ABI3BP: variants seen among roughly 807,000 people sequenced by gnomAD.
ABI3BP encodes target of Nesh-SH3.
Under a neutral mutation model 268.6 loss-of-function variants are expected in ABI3BP, and 216 were observed. That is an observed-to-expected ratio of 0.80 (90% CI 0.72 to 0.90). The LOEUF (loss-of-function observed/expected upper bound fraction) is 0.90. Ranked by LOEUF, ABI3BP falls within the 40% of genes least tolerant of loss-of-function variation. The pLI, the probability that ABI3BP is intolerant of heterozygous loss-of-function variation, is 0.00. For synonymous variants in ABI3BP, 730 were observed against 730.0 expected (o/e 1.00, Z 0.00); for missense variants, 2,090 against 2,182.4 (o/e 0.96, Z 0.84).
intron 17 of ABI3BP, 22 bp from the exon 18 acceptor site, chr3:100,848,897 C>A (rs1275858566): frequency 6.2e-7 from 1 of 1,603,738 alleles, no homozygotes; most frequent in Non-Finnish European, 8.5e-7. Context: ...TTTAATATAG[C>A]TTTGATAAAT....
intron 1 of ABI3BP, among the ~76,000 whole-genome samples, chr3:100,985,242 C>T (rs996436844): frequency 3.3e-5 from 5 of 150,398 alleles, no homozygotes; most frequent in East Asian, 2.0e-4. Context: ...CTCTGCCTCC[C>T]GGGTTCAAGC....
chr3:100,986,677 G>A (rs1273087196), intron 1 of ABI3BP, among the ~76,000 whole-genome samples: 1 of 152,026 alleles, frequency 6.6e-6, no homozygotes, highest in Non-Finnish European at 1.5e-5. Context: ...GTGTTGACTA[G>A]GCTGGTCTTG....
At chr3:100,799,500 A>C (rs2097457107) in intron 51 of ABI3BP, among the ~76,000 whole-genome samples, 1 of 152,174 alleles carries the variant, frequency 6.6e-6, no homozygotes, top group Admixed American at 6.5e-5. Flanking sequence ...GAAACTGCTA[A>C]TTCTGAAGCA....
At chr3:100,753,236 T>C (rs572966551) in intron 65 of ABI3BP, among the ~76,000 whole-genome samples, 16 of 152,288 alleles carry the variant, frequency 1.1e-4, no homozygotes, top group African/African-American at 3.1e-4. Context: ...TTTTGTAGCA[T>C]GTTATAAAGT....
At chr3:100,945,548 C>G (rs557415056) in intron 1 of ABI3BP, 38 of 402,206 alleles carry the variant, frequency 9.4e-5, no homozygotes, top group South Asian at 6.0e-4. Flanking sequence ...CTACTTTCTG[C>G]TTTTCTGGTA....
chr3:100,910,411 A>T (rs976851371), intron 2 of ABI3BP, among the ~76,000 whole-genome samples: 2 of 39,008 alleles, frequency 5.1e-5, no homozygotes, highest in Non-Finnish European at 1.0e-4. Flanking sequence ...AGTATAATTT[A>T]AAAAAGGTAA....
At chr3:100,984,846 G>A (rs1454019529) in intron 1 of ABI3BP, among the ~76,000 whole-genome samples, 2 of 152,080 alleles carry the variant, frequency 1.3e-5, no homozygotes, top group East Asian at 3.9e-4. Context: ...AGAGAAGACT[G>A]TACACTAGAG....
intron 4 of ABI3BP, among the ~76,000 whole-genome samples, chr3:100,888,725 C>T (rs1239268307): frequency 6.6e-6 from 1 of 151,970 alleles, no homozygotes; most frequent in Non-Finnish European, 1.5e-5. Context: ...AGGCATTTTG[C>T]CCTTCTTCTC....
chr3:100,891,830 T>A (rs1233684438), intron 4 of ABI3BP, among the ~76,000 whole-genome samples: 1 of 152,234 alleles, frequency 6.6e-6, no homozygotes, highest in Admixed American at 6.5e-5. Flanking sequence ...AAGCAAGTGG[T>A]ATTCTGCAGT....
intron 59 of ABI3BP, among the ~76,000 whole-genome samples, chr3:100,777,831 T>C (rs988645830): frequency 1.3e-5 from 2 of 152,182 alleles, no homozygotes; most frequent in African/African-American, 4.8e-5. Flanking sequence ...GTCCCAGATC[T>C]TCCCCTGAGC....
At chr3:100,848,576 C>T (rs775657900) in intron 18 of ABI3BP, among the ~76,000 whole-genome samples, 14 of 151,724 alleles carry the variant, frequency 9.2e-5, no homozygotes, top group Non-Finnish European at 1.8e-4. Context: ...GCTCAAGAAG[C>T]ACACCATGCC....
chr3:100,919,783 T>A (rs1054145974), intron 2 of ABI3BP, among the ~76,000 whole-genome samples: 1 of 152,212 alleles, frequency 6.6e-6, no homozygotes, highest in African/African-American at 2.4e-5. Flanking sequence ...TTTATTTGAA[T>A]AAGCGATTGA....
At chr3:100,928,370 C>T (rs536498472) in intron 1 of ABI3BP, among the ~76,000 whole-genome samples, 1 of 152,090 alleles carries the variant, frequency 6.6e-6, no homozygotes, top group Admixed American at 6.6e-5. Context: ...ATACCAATCA[C>T]CACTTTTGTG....
At chr3:100,939,987 T>G (rs2068172895) in intron 1 of ABI3BP, among the ~76,000 whole-genome samples, 1 of 152,114 alleles carries the variant, frequency 6.6e-6, no homozygotes, top group Admixed American at 6.6e-5. Flanking sequence ...CATTTGCTTT[T>G]GAAAGAAGAG....
chr3:100,990,298 T>C (rs2092709696), intron 1 of ABI3BP, among the ~76,000 whole-genome samples: 1 of 152,218 alleles, frequency 6.6e-6, no homozygotes, highest in African/African-American at 2.4e-5. Context: ...GTGTCTCTTA[T>C]CTCATTTAAT....
intron 14 of ABI3BP, among the ~76,000 whole-genome samples, chr3:100,861,243 T>C (rs1257950218): frequency 3.3e-5 from 5 of 152,186 alleles, no homozygotes; most frequent in African/African-American, 1.2e-4. Context: ...CTTAATTTGA[T>C]GTCATCTTCT....
At chr3:100,866,264 A>C (rs1042118849) in intron 10 of ABI3BP, among the ~76,000 whole-genome samples, 5 of 152,224 alleles carry the variant, frequency 3.3e-5, no homozygotes, top group African/African-American at 1.2e-4. Flanking sequence ...ACTCTAGCTC[A>C]AAGATTAATG....
chr3:100,896,341 C>T (rs1024657150), intron 4 of ABI3BP, among the ~76,000 whole-genome samples: 81 of 152,198 alleles, frequency 5.3e-4, no homozygotes, highest in African/African-American at 1.8e-3. Flanking sequence ...TCTCTATATT[C>T]ATTATCTCCG....
intron 6 of ABI3BP, among the ~76,000 whole-genome samples, chr3:100,881,948 T>C (rs1325193109): frequency 6.6e-6 from 1 of 152,210 alleles, no homozygotes; most frequent in African/African-American, 2.4e-5. Context: ...TATCTAGATA[T>C]ATGAATTACA....
Sources: gnomAD v4.1 joint callset for allele counts (sites outside exome capture counted in the v4.1 genomes callset) on GRCh38, gnomAD v4.1.1 for gene constraint, MANE v1.5 for transcripts, NCBI Gene and HGNC (gene_info 2026-07-23, HGNC 2026-07-21) for gene names.